ABL1: variants seen among roughly 807,000 people sequenced by gnomAD.
ABL1 encodes the protein tyrosine-protein kinase ABL1.
A neutral mutation model predicts 94.7 loss-of-function variants in ABL1; 11 were observed. The ratio of observed to expected loss-of-function variants is 0.12; its 90% CI spans 0.07 to 0.19. The LOEUF is 0.19. ABL1 is among the 10% of genes least tolerant of loss of function. ABL1 has a pLI of 1.00. For synonymous variants in ABL1, 656 were observed against 622.4 expected (o/e 1.05, Z -0.80); for missense variants, 1,082 against 1,489.4 (o/e 0.73, Z 4.50).
chr9:130,844,920 G>T (rs1158936535), intron 1 of ABL1, among the ~76,000 whole-genome samples: 2 of 152,210 alleles, frequency 1.3e-5, no homozygotes, highest in Non-Finnish European at 2.9e-5. Context: ...TTTAGTAAGA[G>T]GTTAGTGAAA....
chr9:130,747,382 C>A (rs937267762), intron 1 of ABL1, among the ~76,000 whole-genome samples: 1 of 151,814 alleles, frequency 6.6e-6, no homozygotes, highest in Non-Finnish European at 1.5e-5. Flanking sequence ...TCTCAAAAAA[C>A]CAAAACAAAA....
chr9:130,757,849 T>C (rs1460699868), intron 1 of ABL1, among the ~76,000 whole-genome samples: 1 of 152,038 alleles, frequency 6.6e-6, no homozygotes, highest in Non-Finnish European at 1.5e-5. Flanking sequence ...CCAGGCATTT[T>C]TTTTATGTGT....
At chr9:130,718,490 A>G (rs1398622850) in intron 1 of ABL1, among the ~76,000 whole-genome samples, 2 of 152,120 alleles carry the variant, frequency 1.3e-5, no homozygotes, top group African/African-American at 4.8e-5. Context: ...TTCAGTATTC[A>G]TTTCTAATGT....
chr9:130,832,329 C>CAAA (rs35298043), upstream of ABL1, among the ~76,000 whole-genome samples: 44 of 131,974 alleles, frequency 3.3e-4, no homozygotes, highest in Middle Eastern at 4.0e-3. Flanking sequence ...TTCACCATCT[C>CAAA]AAAAAAAAAA....
At chr9:130,878,881 T>TC (rs2133018712) in intron 8 of ABL1, among the ~76,000 whole-genome samples, 1 of 151,274 alleles carries the variant, frequency 6.6e-6, no homozygotes, top group Non-Finnish European at 1.5e-5. Context: ...GTGATTTTTT[T>TC]TTTTTTTTTT....
Position 130,872,776 on chromosome 9 carries a change from C to CT in ABL1, c.908-82dup. 7.0e-7 allele frequency: 1 copy of CT among 1,428,790 alleles called. No homozygotes were observed. The highest frequency in any genetic ancestry group is 9.6e-7 in the Non-Finnish European group (1 of 1,047,040). 88.5% of individuals were successfully genotyped at this position (1,428,790 alleles called of 1,614,324 possible). A position where few individuals can be genotyped will look rare whatever the true frequency, so the allele number is the denominator to read the frequency against. On this transcript the variant is annotated intron_variant, in intron 5 of 10. Transcript: ENST00000318560. This position sits in a 1 kb window ranked among gnomAD's most constrained non-coding sequence, Gnocchi z 5.0. ...AGGACTGAGGAGCAGAGTCAGAATC[C>CT]TTCAGAAGGCTTTTTCTTTAGACAG...
At chr9:130,818,289 G>C (rs1830315553) in intron 1 of ABL1, among the ~76,000 whole-genome samples, 3 of 152,102 alleles carry the variant, frequency 2.0e-5, no homozygotes, top group Non-Finnish European at 2.9e-5. Flanking sequence ...GGCCAACATG[G>C]CGAAACCCTG....
intron 1 of ABL1, among the ~76,000 whole-genome samples, chr9:130,776,151 T>C (rs1832307885): frequency 6.6e-6 from 1 of 152,202 alleles, no homozygotes; most frequent in Middle Eastern, 3.2e-3. Flanking sequence ...GTGGAATGAA[T>C]AGAGAATTAG....
At chr9:130,850,133 C>T (rs1217699560) in intron 1 of ABL1, among the ~76,000 whole-genome samples, 1 of 152,198 alleles carries the variant, frequency 6.6e-6, no homozygotes, top group African/African-American at 2.4e-5. Flanking sequence ...CCACAAGAGC[C>T]AGTCATGTTT....
chr9:130,756,506 G>A (rs983077555), intron 1 of ABL1, among the ~76,000 whole-genome samples: 6 of 151,980 alleles, frequency 3.9e-5, no homozygotes, highest in South Asian at 4.2e-4. Flanking sequence ...GCTATTTTTC[G>A]GCGTTGCTAT....
At chr9:130,806,975 C>G (rs1830134107) in intron 1 of ABL1, among the ~76,000 whole-genome samples, 1 of 151,916 alleles carries the variant, frequency 6.6e-6, no homozygotes, top group African/African-American at 2.4e-5. Context: ...ATGGTGAAAC[C>G]CCATCTCTAC....
chr9:130,739,200 G>C (rs2132709086), intron 1 of ABL1, among the ~76,000 whole-genome samples: 1 of 152,238 alleles, frequency 6.6e-6, no homozygotes, highest in Non-Finnish European at 1.5e-5. Flanking sequence ...GGCCCGATAT[G>C]TGTCTTTTTA....
At chr9:130,836,791 C>T (rs899098724) in intron 1 of ABL1, among the ~76,000 whole-genome samples, 1 of 144,910 alleles carries the variant, frequency 6.9e-6, no homozygotes, top group Non-Finnish European at 1.5e-5. Context: ...CGCCACTGCA[C>T]TCCAGCCTGG....
Position 130,887,357 on chromosome 9 carries a change from G to A in ABL1, c.*1674G>A, listed in dbSNP as rs1831604505. 8.6e-6 allele frequency: 2 copies of A among 233,230 alleles called. No individual in the cohort carries two copies. Among genetic ancestry groups the A allele is most frequent in the South Asian group, 1.8e-4 (1 of 5,532 alleles). The allele number at this position is 233,230 out of a possible 1,614,324, so 14.4% of individuals were successfully genotyped here. ...GAGGGAGGCACTAGTCACCGACAGC[G>A]GCCTTGAAGACAGAGCAAAGCGCCC... On this transcript the variant is annotated 3_prime_UTR_variant, in exon 11 of 11. Transcript: ENST00000318560.
At chr9:130,879,277 T>C (rs1294612716) in intron 8 of ABL1, among the ~76,000 whole-genome samples, 1 of 152,262 alleles carries the variant, frequency 6.6e-6, no homozygotes, top group Non-Finnish European at 1.5e-5. Context: ...GGTATTTATA[T>C]GGCCATTTCT....
intron 1 of ABL1, among the ~76,000 whole-genome samples, chr9:130,782,005 A>T (rs1480245947): frequency 6.6e-6 from 1 of 152,204 alleles, no homozygotes; most frequent in Non-Finnish European, 1.5e-5. Flanking sequence ...CAGCTGAAGA[A>T]GGTCTGGATT....
At position 130,885,649 on chromosome 9, in the gene ABL1, C is replaced by T. The variant is rs1456042173; in HGVS notation, c.3359C>T (p.Ser1120Leu). The T allele has an allele frequency of 3.1e-6, 5 of 1,612,680 alleles. No homozygotes were observed. The highest frequency in any genetic ancestry group is 1.3e-5 in the African/African-American group (1 of 74,934). ...ATQDFSKLLS[S>L]VKEISDIVQR Reference sequence around the variant, plus strand: ...CAGGACTTCAGCAAGCTCCTCAGTTCGGTGAAGGAAATCAGTGACATAGTG... The same window carrying T: ...CAGGACTTCAGCAAGCTCCTCAGTTTGGTGAAGGAAATCAGTGACATAGTG... Residue 1120 changes from serine to leucine, a missense_variant, in exon 11 of 11, where the codon TCG (serine) becomes TTG (leucine). By Grantham distance (145) the Ser-to-Leu change is moderately radical. Around this residue, in one of 7 missense-constraint regions of ABL1, gnomAD observed 780 missense variants for 835.8 expected, o/e 0.93. Transcript: ENST00000318560.
intron 1 of ABL1, among the ~76,000 whole-genome samples, chr9:130,823,776 C>G (rs1484193296): frequency 6.6e-6 from 1 of 152,140 alleles, no homozygotes; most frequent in Non-Finnish European, 1.5e-5. Context: ...AGTCTTTATT[C>G]TGGGGTGATG....
chr9:130,796,767 A>T (rs1194056467), intron 1 of ABL1, among the ~76,000 whole-genome samples: 1 of 88,460 alleles, frequency 1.1e-5, no homozygotes, highest in Admixed American at 1.1e-4. Context: ...GCCTTTTGTT[A>T]AAAAAAAAAC....
Sources: allele counts gnomAD v4.1 joint callset (sites outside exome capture counted in the v4.1 genomes callset), GRCh38; gene constraint gnomAD v4.1.1; regional missense constraint gnomAD v4.1.1; non-coding constraint Gnocchi (gnomAD v3.1); transcripts MANE v1.5; gene names NCBI Gene and HGNC (gene_info 2026-07-23, HGNC 2026-07-21).